Variants in GNL3L observed in about 807,000 individuals in gnomAD.
GNL3L encodes guanine nucleotide-binding protein-like 3-like protein.
A neutral mutation model predicts 42.9 loss-of-function variants in GNL3L; 4 were observed. That is an observed-to-expected ratio of 0.09 (90% CI 0.05 to 0.21). The LOEUF (loss-of-function observed/expected upper bound fraction) is 0.21, where lower values mean the gene tolerates loss of function less well. Ranked by LOEUF, GNL3L falls within the 10% of genes least tolerant of loss-of-function variation. The pLI is 1.00. For missense variants in GNL3L, 412 were observed against 481.7 expected, an observed-to-expected ratio of 0.86 and a Z score of 1.36; for synonymous variants, 159 against 176.3, an observed-to-expected ratio of 0.90 and a Z score of 0.78.
intron 8 of GNL3L, among the ~76,000 whole-genome samples, chrX:54,545,624 A>C (rs1924748891): frequency 8.9e-6 from 1 of 112,227 alleles, no homozygotes; most frequent in Non-Finnish European, 1.9e-5. Flanking sequence ...GTAAAATATT[A>C]ATACAGAAAC....
At chrX:54,630,951 C>T in the GNL3L span, among the ~76,000 whole-genome samples, 2 of 106,307 alleles carry the variant, frequency 1.9e-5, no homozygotes, top group Admixed American at 1.0e-4. Flanking sequence ...GGATTACAGG[C>T]GTCCATCACC....
intron 16 of GNL3L, among the ~76,000 whole-genome samples, chrX:54,617,840 G>A (rs764009665): frequency 9.9e-5 from 11 of 111,125 alleles, no homozygotes; most frequent in Non-Finnish European, 2.1e-4. Context: ...CTACACCTTC[G>A]GACCTGTAAG....
chrX:54,607,053 T>C (rs1926085065), intron 16 of GNL3L, among the ~76,000 whole-genome samples: 1 of 67,085 alleles, frequency 1.5e-5, no homozygotes, highest in African/African-American at 9.0e-5. Flanking sequence ...TCTTTCTTTC[T>C]TTCTTTCTTT....
intron 16 of GNL3L, among the ~76,000 whole-genome samples, chrX:54,574,076 TATC>T (rs1925600590): frequency 8.9e-6 from 1 of 111,783 alleles, no homozygotes; most frequent in Non-Finnish European, 1.9e-5. Flanking sequence ...GGCTGGATCA[TATC>T]ATCTGTGAAT....
the GNL3L span, among the ~76,000 whole-genome samples, chrX:54,627,169 C>T: frequency 3.6e-5 from 4 of 110,329 alleles, no homozygotes; most frequent in Non-Finnish European, 5.7e-5. Flanking sequence ...CCACGATGCC[C>T]GGCTAATTTT....
At chrX:54,618,588 A>T (rs961996840) in intron 16 of GNL3L, among the ~76,000 whole-genome samples, 2 of 111,524 alleles carry the variant, frequency 1.8e-5, no homozygotes, top group African/African-American at 6.5e-5. Context: ...CAAATAGACA[A>T]TTCCCAGAAG....
intron 16 of GNL3L, among the ~76,000 whole-genome samples, chrX:54,588,199 T>C (rs1196807628): frequency 1.8e-5 from 2 of 111,977 alleles, no homozygotes; most frequent in Non-Finnish European, 3.8e-5. Flanking sequence ...GTATGTCTCT[T>C]ATTTCTTTTT....
chrX:54,590,560 C>T (rs911862832), intron 16 of GNL3L, among the ~76,000 whole-genome samples: 1 of 111,073 alleles, frequency 9.0e-6, no homozygotes, highest in South Asian at 3.7e-4. Context: ...ATAATTTTCT[C>T]CCATTCTGTG....
chrX:54,630,176 A>G, the GNL3L span, among the ~76,000 whole-genome samples: 2 of 108,115 alleles, frequency 1.8e-5, no homozygotes, highest in African/African-American at 3.4e-5. Context: ...TTAATGGTCT[A>G]TCAATTTTGT....
intron 16 of GNL3L, among the ~76,000 whole-genome samples, chrX:54,588,213 G>A (rs1320337786): frequency 9.0e-6 from 1 of 111,195 alleles, no homozygotes; most frequent in Non-Finnish European, 1.9e-5. Context: ...TCTTTTTCTT[G>A]CCTATTGCAC....
At chrX:54,578,354 T>C (rs1441179839) in intron 16 of GNL3L, among the ~76,000 whole-genome samples, 1 of 112,105 alleles carries the variant, frequency 8.9e-6, no homozygotes, top group Non-Finnish European at 1.9e-5. Context: ...TAGTAACATT[T>C]ACTCTTTCTG....
chrX:54,626,137 T>C (rs1172196899), downstream of GNL3L, among the ~76,000 whole-genome samples: 1 of 111,480 alleles, frequency 9.0e-6, no homozygotes, highest in Non-Finnish European at 1.9e-5. Context: ...TCATTCCTCA[T>C]ATCTAGCTGT....
chrX:54,633,639 G>A, the GNL3L span, among the ~76,000 whole-genome samples: 1 of 110,349 alleles, frequency 9.1e-6, no homozygotes, highest in African/African-American at 3.3e-5. Flanking sequence ...TCCAAGGGGG[G>A]ATTATGGCTA....
chrX:54,609,047 C>G (rs1239583142), intron 16 of GNL3L, among the ~76,000 whole-genome samples: 1 of 111,920 alleles, frequency 8.9e-6, no homozygotes, highest in East Asian at 2.8e-4. Flanking sequence ...TATGGCCATT[C>G]TTGCAGGAGT....
chrX:54,614,929 G>A (rs928031544), intron 16 of GNL3L, among the ~76,000 whole-genome samples: 8 of 110,989 alleles, frequency 7.2e-5, no homozygotes, highest in South Asian at 7.6e-4. Context: ...CTTGCCCTCC[G>A]TCCGCCATGA....
chrX:54,551,103 C>T, intron 10 of GNL3L, 53 bp downstream of exon 10: 1 of 657,671 alleles, frequency 1.5e-6, no homozygotes, highest in Non-Finnish European at 2.5e-6. Flanking sequence ...TACCATTTCC[C>T]CCCAACTCCC....
intron 16 of GNL3L, among the ~76,000 whole-genome samples, chrX:54,613,491 T>G (rs1241266285): frequency 9.0e-6 from 1 of 110,923 alleles, no homozygotes; most frequent in Non-Finnish European, 1.9e-5. Flanking sequence ...TGTGATTTTT[T>G]GGGGGGTGTT....
chrX:54,576,540 CA>C (rs1439211765), intron 16 of GNL3L, among the ~76,000 whole-genome samples: 3 of 110,953 alleles, frequency 2.7e-5, no homozygotes, highest in Non-Finnish European at 5.7e-5. Context: ...AGTTCAGTGA[CA>C]GGATCTTGGC....
intron 2 of GNL3L, among the ~76,000 whole-genome samples, chrX:54,534,693 A>T (rs1188264426): frequency 1.8e-5 from 2 of 111,930 alleles, no homozygotes; most frequent in African/African-American, 6.5e-5. Flanking sequence ...TCTGCTGGTT[A>T]TAAAATGGTA....
Sources: allele counts gnomAD v4.1 joint callset (sites outside exome capture counted in the v4.1 genomes callset), GRCh38; gene constraint gnomAD v4.1.1; transcripts MANE v1.5; gene names NCBI Gene and HGNC (gene_info 2026-07-23, HGNC 2026-07-21).